Variants in BTNL2 observed in about 807,000 individuals in gnomAD.
BTNL2 encodes butyrophilin like 2.
Under a neutral mutation model 46.8 loss-of-function variants are expected in BTNL2, and 46 were observed. The ratio of observed to expected loss-of-function variants is 0.98; its 90% CI spans 0.78 to 1.26. BTNL2 has a LOEUF of 1.26. BTNL2 is among the 50% of genes most tolerant of loss of function. BTNL2 has a pLI of 0.00. For missense variants in BTNL2, 461 were observed against 592.6 expected (o/e 0.78, Z 2.31); for synonymous variants, 226 against 229.1 (o/e 0.99, Z 0.12).
rs1487690454 is a variant in BTNL2 at position 32,399,895 on chromosome 6, C to G, written c.730+1890G>C. Among the ~76,000 whole-genome samples the G allele has an allele frequency of 2.6e-5, 4 of 152,130 alleles. No homozygotes were observed. In the East Asian group the frequency reaches 5.8e-4, roughly 22 times the overall value. ...CATTAGAGCTCACCTGCAAAGCTTCCGTGCCCAGAGCCCTCCTCTCCCACC... is the reference window on the plus strand; with the variant it reads ...CATTAGAGCTCACCTGCAAAGCTTCGGTGCCCAGAGCCCTCCTCTCCCACC... On this transcript the variant is annotated intron_variant, in intron 4 of 7. Transcript: ENST00000454136. The surrounding 1 kb of genome is among the most constrained non-coding windows in gnomAD (Gnocchi z 5.2).
At position 32,405,230 on chromosome 6, in the gene BTNL2, C is replaced by T. The variant is rs1487800029; in HGVS notation, c.136G>A (p.Ala46Thr). The T allele has an allele frequency of 1.9e-6, 3 of 1,613,018 alleles. No homozygotes were observed. The Admixed American group carries it at 5.0e-5, about 27-fold the overall frequency. ...GGGAGTAGCTGGCAGGTTAACAGGGCATCTTCCCCAACCCCGGCCAGGATA... is the reference window on the plus strand; with the variant it reads ...GGGAGTAGCTGGCAGGTTAACAGGGTATCTTCCCCAACCCCGGCCAGGATA... ...HPILAGVGEDALLTCQLLPKR... is the reference protein window; with the variant it reads ...HPILAGVGEDTLLTCQLLPKR... The change falls in exon 2 of 8, where the codon GCC (alanine) becomes ACC (threonine). Residue 46 changes from alanine to threonine, a missense_variant. Transcript: ENST00000454136.
At chr6:32,403,383 T>G (rs1407249760) in intron 2 of BTNL2, among the ~76,000 whole-genome samples, 167 bp from the exon 3 acceptor site, 1 of 152,164 alleles carries the variant, frequency 6.6e-6, no homozygotes, top group South Asian at 2.1e-4. Flanking sequence ...CAGATACACT[T>G]TATTTGTTCC....
rs1253573628 is a variant in BTNL2 at position 32,396,821 on chromosome 6, A to C, written c.731-435T>G. On this transcript the variant is annotated intron_variant, in intron 4 of 7. Transcript: ENST00000454136. The surrounding 1 kb of genome is among the most constrained non-coding windows in gnomAD (Gnocchi z 4.4). ...CATGGTGAAACCCCGTCTCTACAGA[A>C]ATACAAAAATTAGTCGGGCATGATG... 6.7e-6 allele frequency among the ~76,000 whole-genome samples: 1 copy of C among 148,502 alleles called. No individual in the cohort carries two copies. The highest frequency in any genetic ancestry group is 1.5e-5 in the Non-Finnish European group (1 of 67,278).
At chr6:32,404,110 G>GAA (rs80079921) in intron 2 of BTNL2, among the ~76,000 whole-genome samples, 4 of 150,566 alleles carry the variant, frequency 2.7e-5, no homozygotes, top group African/African-American at 9.8e-5. Flanking sequence ...TGGATGTTAA[G>GAA]AAAAAAAAAG....
At position 32,404,892 on chromosome 6, in the gene BTNL2, A is replaced by G. The variant is rs758979345; in HGVS notation, c.427+47T>C. ...CTGTCACAAAGCTTACCACAAATTA[A>G]TATATCTCTGCCTCTTGAGACCCTG... On this transcript the variant is annotated intron_variant, in intron 2 of 7. Coordinates refer to ENST00000454136, the MANE Select transcript of BTNL2 (RefSeq NM_001304561.2). 2.6e-5 allele frequency: 40 copies of G among 1,540,860 alleles called. No homozygotes were observed. In the African/African-American group the frequency reaches 5.3e-4, roughly 20 times the overall value.
intron 2 of BTNL2, among the ~76,000 whole-genome samples, 179 bp from the exon 3 acceptor site, chr6:32,403,395 C>G (rs1404435778): frequency 6.6e-6 from 1 of 152,214 alleles, no homozygotes; most frequent in South Asian, 2.1e-4. Flanking sequence ...ATTTGTTCCC[C>G]AGTCTGGGTC....
chr6:32,395,843 AT>A (rs141228063), intron 5 of BTNL2, among the ~76,000 whole-genome samples, 195 bp downstream of exon 5: 1 of 152,346 alleles, frequency 6.6e-6, no homozygotes, highest in East Asian at 1.9e-4. Flanking sequence ...ATATGCCCAA[AT>A]AATTAAATTT....
chr6:32,405,571 A>G, intron 1 of BTNL2: 1 of 440,466 alleles, frequency 2.3e-6, no homozygotes, highest in South Asian at 2.1e-5. Flanking sequence ...AGATTTTGAG[A>G]TTTGAAGTCC....
rs779234639 is a variant in BTNL2 at position 32,396,399 on chromosome 6, G to A, written c.731-13C>T. 3.1e-6 allele frequency: 5 copies of A among 1,602,204 alleles called. No individual in the cohort carries two copies. In the South Asian group the frequency reaches 5.5e-5, roughly 18 times the overall value. ...ACTTTTAAAGAAGCTGTTAAATAGA[G>A]TGGACAAAACACAATGAAAGAATCA... is the stretch of plus-strand genomic sequence containing the variant. On this transcript the variant is annotated splice_polypyrimidine_tract_variant and intron_variant, in intron 4 of 7. Coordinates refer to ENST00000454136, the MANE Select transcript of BTNL2 (RefSeq NM_001304561.2). The surrounding 1 kb of genome is among the most constrained non-coding windows in gnomAD (Gnocchi z 4.4).
chr6:32,394,855 A>G lies in BTNL2; in HGVS notation c.1249T>C (p.Phe417Leu). The change falls in exon 6 of 8, where the codon TTC (phenylalanine) becomes CTC (leucine). Residue 417 changes from phenylalanine (F) to leucine (L), a missense_variant. Coordinates refer to ENST00000454136, the MANE Select transcript of BTNL2 (RefSeq NM_001304561.2). The surrounding 1 kb of genome is among the most constrained non-coding windows in gnomAD (Gnocchi z 4.6). ...QALTQGSHGL[F>L]HVQTLLRVTN... ...ACCCTTAGCAATGTCTGCACGTGGA[A>G]CAGCCCGTGGCTGCCTTGAGTCAGG... The G allele has an allele frequency of 6.2e-7, 1 of 1,614,206 alleles. No homozygotes were observed. Among genetic ancestry groups the G allele is most frequent in the African/African-American group, 1.3e-5 (1 of 75,044 alleles).
intron 1 of BTNL2, among the ~76,000 whole-genome samples, chr6:32,405,821 T>TTTG (rs1562261245): frequency 2.7e-5 from 4 of 146,164 alleles, no homozygotes; most frequent in Non-Finnish European, 6.0e-5. Flanking sequence ...TTTTTTTGTT[T>TTTG]TTTTTTTGTT....
At chr6:32,405,869 AC>A (rs1262537126) in intron 1 of BTNL2, among the ~76,000 whole-genome samples, 5 of 146,812 alleles carry the variant, frequency 3.4e-5, no homozygotes, top group Non-Finnish European at 7.4e-5. Flanking sequence ...GAGGCCAATT[AC>A]TGGGACTATG....
Position 32,396,279 on chromosome 6 carries a change from C to T in BTNL2, c.838G>A (p.Val280Met), listed in dbSNP as rs1210170695. The change falls in exon 5 of 8, where the codon GTG becomes ATG. Residue 280 changes from valine to methionine, a missense_variant. By Grantham distance (21) the Val-to-Met change is conservative (BLOSUM62 1). Transcript: ENST00000454136. The surrounding 1 kb of genome is among the most constrained non-coding windows in gnomAD (Gnocchi z 4.4). Reference protein sequence around the residue: ...SPKANAQSMEVRWDRSHRYPA... With the variant: ...SPKANAQSMEMRWDRSHRYPA... ...TAACGGTGGGATCGGTCCCACCTCA[C>T]CTCCATGCTCTGTGCATTCGCCTTG... 3 of 1,613,012 alleles carry T rather than the reference C, an allele frequency of 1.9e-6. No homozygotes were observed. Among genetic ancestry groups the T allele is most frequent in the Admixed American group, 1.7e-5 (1 of 60,030 alleles).
chr6:32,394,489 G>A lies in BTNL2; in HGVS notation c.1360+255C>T, dbSNP rs1292646797. On this transcript the variant is annotated intron_variant, in intron 6 of 7. Transcript: ENST00000454136. This position sits in a 1 kb window ranked among gnomAD's most constrained non-coding sequence, Gnocchi z 4.6. ...AATTTAAAGAGAGAGAGTGAAAACA[G>A]GGTCAATTACGAGAATTTAGTGTGT... Among the ~76,000 whole-genome samples the A allele has an allele frequency of 1.3e-5, 2 of 152,198 alleles. No homozygotes were observed. Among genetic ancestry groups the A allele is most frequent in the African/African-American group, 2.4e-5 (1 of 41,428 alleles).
chr6:32,404,772 A>G (rs1164348472), intron 2 of BTNL2, among the ~76,000 whole-genome samples, 167 bp downstream of exon 2: 1 of 152,252 alleles, frequency 6.6e-6, no homozygotes, highest in Non-Finnish European at 1.5e-5. Context: ...TTTAACACTA[A>G]GCTTGAAGAC....
In BTNL2 at chr6:32,401,092, C is replaced by T. The variant is rs190471120; in HGVS notation, c.730+693G>A. Among the ~76,000 whole-genome samples the T allele has an allele frequency of 1.2e-4, 18 of 145,444 alleles. 1 individual carries two copies. The East Asian group carries it at 1.9e-3, about 16-fold the overall frequency. ...GCGTGGTGGCGGTTGCCTGTAGTCC[C>T]AGCTACTTGGGAGGCTGAGGCAGGA... On this transcript the variant is annotated intron_variant, in intron 4 of 7. Coordinates refer to ENST00000454136, the MANE Select transcript of BTNL2 (RefSeq NM_001304561.2).
In BTNL2 at chr6:32,405,288, T is replaced by A; in HGVS notation, c.80-2A>T. ...CAGGGCCAATGACTCTAAAGTCTTC[T>A]ATAAAATAAGTGAAAAAGAGGAACG... On this transcript the variant is annotated splice_acceptor_variant, in intron 1 of 7. Transcript: ENST00000454136. LOFTEE classifies it high-confidence loss of function. 1 of 1,612,792 alleles carries A rather than the reference T, an allele frequency of 6.2e-7. No homozygotes were observed. The highest frequency in any genetic ancestry group is 8.5e-7 in the Non-Finnish European group (1 of 1,179,882).
chr6:32,401,207 C>CAAAAAAAAAAAAAAAAAAAAAA (rs9279632), intron 4 of BTNL2, among the ~76,000 whole-genome samples: 8 of 38,918 alleles, frequency 2.1e-4, no homozygotes, highest in Non-Finnish European at 2.7e-4. Context: ...GACTCCGTCT[C>CAAAAAAAAAAAAAAAAAAAAAA]AAAAAAAAAA....
At position 32,396,119 on chromosome 6, in the gene BTNL2, G is replaced by C. The variant is rs1354972475; in HGVS notation, c.998C>G (p.Pro333Arg). The change falls in exon 5 of 8, where the codon CCT becomes CGT. Residue 333 changes from proline to arginine, a missense_variant. Physicochemically the swap from Pro to Arg is moderately radical, Grantham distance 103 (BLOSUM62 -2). Coordinates refer to ENST00000454136, the MANE Select transcript of BTNL2 (RefSeq NM_001304561.2). The surrounding 1 kb of genome is among the most constrained non-coding windows in gnomAD (Gnocchi z 4.4). ...GCAGCGGTACTGCCCGTCGTCCGAA[G>C]GTCTGGCACTGAGTATCTGCAGGGT... ...RLTLQILSAR[P>R]SDDGQYRCLF... 2 of 1,612,990 alleles carry C rather than the reference G, an allele frequency of 1.2e-6. No homozygotes were observed. The highest frequency in any genetic ancestry group is 2.7e-5 in the African/African-American group (2 of 74,930).
Sources: gnomAD v4.1 joint callset for allele counts (sites outside exome capture counted in the v4.1 genomes callset) on GRCh38, gnomAD v4.1.1 for gene constraint, Gnocchi (gnomAD v3.1) non-coding constraint, MANE v1.5 for transcripts, NCBI Gene and HGNC (gene_info 2026-07-23, HGNC 2026-07-21) for gene names.